The following SLC30A6 variants were observed in gnomAD, a reference collection of about 807,000 sequenced individuals.
The protein encoded by SLC30A6 is zinc transporter 6.
SLC30A6 carries 55 observed loss-of-function variants against 63.0 expected under a neutral mutation model. The observed-to-expected ratio is 0.87, with a 90% CI of 0.70 to 1.09. The LOEUF is 1.09. Among genes scored for constraint, SLC30A6 ranks in the 50% least tolerant of loss-of-function variants. The pLI is 0.00. For missense variants in SLC30A6, 587 were observed against 549.2 expected, an observed-to-expected ratio of 1.07 and a Z score of -0.69; for synonymous variants, 224 against 186.1, an observed-to-expected ratio of 1.20 and a Z score of -1.66.
Position 32,190,168 on chromosome 2 carries a change from T to C in SLC30A6, c.285-2168T>C, listed in dbSNP as rs558429106. On this transcript the variant is annotated intron_variant, in intron 5 of 13. Transcript: ENST00000282587. Reference sequence around the variant, plus strand: ...GGTATCTTCTGATGAATAAAAGTTTTAAATTTTAGGCCGGGCGCGGTGGCT... The same window carrying C: ...GGTATCTTCTGATGAATAAAAGTTTCAAATTTTAGGCCGGGCGCGGTGGCT... Among the ~76,000 whole-genome samples, 5 of 152,222 alleles carry C rather than the reference T, an allele frequency of 3.3e-5. No individual in the cohort carries two copies. The South Asian group carries it at 1.0e-3, about 32-fold the overall frequency.
rs781634616 is a variant in SLC30A6 at position 32,193,895 on chromosome 2, A to T, written c.408A>T (p.Arg136Ser). 6.2e-7 allele frequency: 1 copy of T among 1,612,330 alleles called. No individual in the cohort carries two copies. Among genetic ancestry groups the T allele is most frequent in the Non-Finnish European group, 8.5e-7 (1 of 1,178,840 alleles). Residue 136 changes from arginine (R) to serine (S), a missense_variant, in exon 8 of 14, where the codon AGA becomes AGT. Transcript: ENST00000282587. ...FLEQPEIHTG[R>S]LLVGTFVALC... The stretch of plus-strand genomic sequence containing the variant: ...TTATCGTTGTTCTTTTTAGGGGAAG[A>T]TTATTAGTTGGTACTTTTGTGGCTC...
chr2:32,173,791 T>C (rs973578294), intron 2 of SLC30A6, among the ~76,000 whole-genome samples: 5 of 152,222 alleles, frequency 3.3e-5, no homozygotes, highest in African/African-American at 9.6e-5. Context: ...GATATGCATA[T>C]GTATGTGTAT....
At position 32,220,461 on chromosome 2, in the gene SLC30A6, T is replaced by C; in HGVS notation, c.1134T>C (p.Ala378=). 6.2e-7 allele frequency: 1 copy of C among 1,614,220 alleles called. No individual in the cohort carries two copies. The highest frequency in any genetic ancestry group is 8.5e-7 in the Non-Finnish European group (1 of 1,180,028). ...DDLNPVTSTP[A]KPSSPPPEFS... is the part of the protein sequence containing the mutation. ...TGAACCCAGTTACATCAACTCCAGC[T>C]AAACCTAGTAGTCCACCTCCAGAAT... Residue 378 remains alanine (A), a synonymous_variant, in exon 14 of 14, where the codon GCT becomes GCC. Coordinates refer to ENST00000282587, the MANE Select transcript of SLC30A6 (RefSeq NM_017964.5).
chr2:32,178,601 G>A (rs1334843077), intron 4 of SLC30A6, among the ~76,000 whole-genome samples: 3 of 152,146 alleles, frequency 2.0e-5, no homozygotes, highest in African/African-American at 7.2e-5. Flanking sequence ...TGAACCTGGT[G>A]GGACAGAGAT....
intron 13 of SLC30A6, among the ~76,000 whole-genome samples, chr2:32,219,820 C>G (rs776859071): frequency 2.0e-5 from 3 of 152,100 alleles, no homozygotes; most frequent in Non-Finnish European, 4.4e-5. Context: ...GTGTGGAATG[C>G]GTCTCTACTT....
chr2:32,214,281 A>G (rs540009868), intron 13 of SLC30A6, among the ~76,000 whole-genome samples: 3 of 152,172 alleles, frequency 2.0e-5, no homozygotes, highest in Non-Finnish European at 4.4e-5. Context: ...ATCCATGATT[A>G]TTTCTTAAGA....
At chr2:32,180,787 A>G (rs962032497) in intron 4 of SLC30A6, among the ~76,000 whole-genome samples, 3 of 152,224 alleles carry the variant, frequency 2.0e-5, no homozygotes, top group East Asian at 1.9e-4. Context: ...GTTACCAACC[A>G]TATTTGATAA....
At chr2:32,192,442 A>G (rs538854387) in intron 6 of SLC30A6, 26 bp downstream of exon 6, 2 of 1,589,276 alleles carry the variant, frequency 1.3e-6, no homozygotes, top group African/African-American at 1.3e-5. Flanking sequence ...ATATTATTCT[A>G]AATCCCCCCA....
chr2:32,200,928 A>G (rs902820175), intron 10 of SLC30A6, among the ~76,000 whole-genome samples: 2 of 152,192 alleles, frequency 1.3e-5, no homozygotes, highest in African/African-American at 4.8e-5. Flanking sequence ...TCAGGCCCCT[A>G]CCAACCTTAC....
intron 3 of SLC30A6, among the ~76,000 whole-genome samples, chr2:32,174,548 ATTTTTTTTTTT>A (rs11432136): frequency 1.1e-5 from 1 of 92,260 alleles, no homozygotes; most frequent in African/African-American, 4.6e-5. Context: ...CTATCTGGAG[ATTTTTTTTTTT>A]TTTTTTTTTT....
chr2:32,182,670 A>G (rs1364014855), intron 4 of SLC30A6, among the ~76,000 whole-genome samples: 1 of 152,116 alleles, frequency 6.6e-6, no homozygotes, highest in East Asian at 1.9e-4. Context: ...AGCGTTCCCT[A>G]CTCGCAAATC....
intron 1 of SLC30A6, among the ~76,000 whole-genome samples, chr2:32,167,382 CTTTTTT>C (rs11293465): frequency 1.5e-5 from 2 of 132,536 alleles, no homozygotes; most frequent in African/African-American, 5.6e-5. Flanking sequence ...GCCACAAACT[CTTTTTT>C]TTTTTTTTTT....
At chr2:32,218,238 C>G (rs756567122) in intron 13 of SLC30A6, among the ~76,000 whole-genome samples, 1 of 152,030 alleles carries the variant, frequency 6.6e-6, no homozygotes, top group Non-Finnish European at 1.5e-5. Context: ...TTGGGCAACA[C>G]GGTGAGACCT....
chr2:32,165,884 C>A lies in SLC30A6; in HGVS notation c.-17C>A. On this transcript the variant is annotated 5_prime_UTR_variant, in exon 1 of 14. The change creates a new upstream start codon in the 5' untranslated region. Coordinates refer to ENST00000282587, the MANE Select transcript of SLC30A6 (RefSeq NM_017964.5). ...CACCCAGAACGGCTTCCGGCGGGAG[C>A]TGTGCAGCTCCTTATCATGGTGAGT... 1 of 1,614,006 alleles carries A rather than the reference C, an allele frequency of 6.2e-7. No homozygotes were observed. The highest frequency in any genetic ancestry group is 8.5e-7 in the Non-Finnish European group (1 of 1,179,908).
At position 32,220,598 on chromosome 2, in the gene SLC30A6, T is replaced by C; in HGVS notation, c.1271T>C (p.Leu424Pro). 6.2e-7 allele frequency: 1 copy of C among 1,614,204 alleles called. No individual in the cohort carries two copies. Among genetic ancestry groups the C allele is most frequent in the Non-Finnish European group, 8.5e-7 (1 of 1,180,030 alleles). ...GGACACACACCTTACAGCAGCATGC[T>C]TAATCAAGGACTTGGAGTTCCAGGA... ...NHGHTPYSSM[L>P]NQGLGVPGIG... is the part of the protein sequence containing the mutation. Residue 424 changes from leucine (L) to proline (P), a missense_variant, in exon 14 of 14, where the codon CTT becomes CCT. Leu to Pro is a moderately conservative substitution (Grantham distance 98). Coordinates refer to ENST00000282587, the MANE Select transcript of SLC30A6 (RefSeq NM_017964.5).
intron 5 of SLC30A6, among the ~76,000 whole-genome samples, chr2:32,189,281 C>CTTTTTTTTTTTTTTTTTTTTTT (rs61221362): frequency 1.7e-5 from 2 of 114,872 alleles, no homozygotes; most frequent in Non-Finnish European, 3.5e-5. Context: ...TTGATACTGT[C>CTTTTTTTTTTTTTTTTTTTTTT]TTTTTTTTTT....
chr2:32,193,060 G>A (rs1183720426), intron 7 of SLC30A6, 107 bp downstream of exon 7: 2 of 663,830 alleles, frequency 3.0e-6, no homozygotes, highest in Middle Eastern at 4.4e-4. Flanking sequence ...GCAACATAAC[G>A]TTTTTGCTGG....
intron 10 of SLC30A6, chr2:32,203,593 C>G (rs1684483332): frequency 1.3e-6 from 2 of 1,593,970 alleles, no homozygotes; most frequent in African/African-American, 2.7e-5. Context: ...AGAGGAAATA[C>G]AGGATGTCAG....
At chr2:32,210,238 G>A (rs1042123358) in intron 13 of SLC30A6, among the ~76,000 whole-genome samples, 3 of 152,050 alleles carry the variant, frequency 2.0e-5, no homozygotes, top group East Asian at 3.9e-4. Context: ...CGGGCTGGGC[G>A]TGGTAGCTCA....
Sources: gnomAD v4.1 joint callset for allele counts (sites outside exome capture counted in the v4.1 genomes callset) on GRCh38, gnomAD v4.1.1 for gene constraint, MANE v1.5 for transcripts, NCBI Gene and HGNC (gene_info 2026-07-23, HGNC 2026-07-21) for gene names.